Variants in SPMAP2L observed in about 807,000 individuals in gnomAD.
SPMAP2L encodes sperm microtubule associated protein 2-like.
chr4:56,563,070 AGATAAGAAGGTT>A, the SPMAP2L span, among the ~76,000 whole-genome samples: 2 of 149,696 alleles, frequency 1.3e-5, no homozygotes, highest in African/African-American at 4.9e-5. Flanking sequence ...CTGCATCTAA[AGATAAGAAGGTT>A]GTTAAGGCTT....
At chr4:56,594,087 A>G in the SPMAP2L span, 11,812 of 1,608,422 alleles carry the variant, frequency 7.3e-3, 537 homozygotes, top group African/African-American at 0.12. Context: ...GAAACAGTCA[A>G]TGAAAAAGAT....
chr4:56,536,222 C>A, the SPMAP2L span, among the ~76,000 whole-genome samples: 1 of 152,250 alleles, frequency 6.6e-6, no homozygotes, highest in Non-Finnish European at 1.5e-5. Context: ...CCCACTTGAT[C>A]TGAGCCTGTC....
the SPMAP2L span, among the ~76,000 whole-genome samples, chr4:56,544,454 T>C: frequency 2.0e-5 from 3 of 152,186 alleles, no homozygotes; most frequent in Admixed American, 1.3e-4. Context: ...AGTACTTCAC[T>C]GGAAACTATT....
At chr4:56,613,157 A>G in the SPMAP2L span, among the ~76,000 whole-genome samples, 3 of 152,270 alleles carry the variant, frequency 2.0e-5, no homozygotes, top group Admixed American at 1.3e-4. Flanking sequence ...CCTTGGTAGC[A>G]GAGACATGTT....
the SPMAP2L span, chr4:56,595,226 G>T: frequency 6.2e-7 from 1 of 1,611,860 alleles, no homozygotes; most frequent in Non-Finnish European, 8.5e-7. Context: ...GGTGCAAGAG[G>T]TTATGTGGGT....
At chr4:56,588,784 T>C in the SPMAP2L span, among the ~76,000 whole-genome samples, 1 of 152,074 alleles carries the variant, frequency 6.6e-6, no homozygotes, top group African/African-American at 2.4e-5. Flanking sequence ...TTAATCCATC[T>C]TGAGTTTATT....
At chr4:56,573,350 T>G in the SPMAP2L span, among the ~76,000 whole-genome samples, 1 of 152,166 alleles carries the variant, frequency 6.6e-6, no homozygotes, top group Non-Finnish European at 1.5e-5. Flanking sequence ...GGCATAAGTA[T>G]TATGGTCAGT....
At chr4:56,580,640 A>C in the SPMAP2L span, among the ~76,000 whole-genome samples, 1 of 151,252 alleles carries the variant, frequency 6.6e-6, no homozygotes, top group African/African-American at 2.5e-5. Context: ...GCATGAAAAA[A>C]AATAAAAAAT....
At chr4:56,537,502 T>C in the SPMAP2L span, among the ~76,000 whole-genome samples, 1 of 152,202 alleles carries the variant, frequency 6.6e-6, no homozygotes, top group African/African-American at 2.4e-5. Context: ...CTCCCCCATC[T>C]AAGAAAATAT....
At chr4:56,581,883 T>C in the SPMAP2L span, among the ~76,000 whole-genome samples, 1 of 152,212 alleles carries the variant, frequency 6.6e-6, no homozygotes, top group South Asian at 2.1e-4. Flanking sequence ...TTATGGGCAA[T>C]TGATTTTTGG....
At chr4:56,575,181 G>A in the SPMAP2L span, among the ~76,000 whole-genome samples, 7 of 151,924 alleles carry the variant, frequency 4.6e-5, no homozygotes, top group East Asian at 3.9e-4. Flanking sequence ...CCTGGGAGGC[G>A]GAGCTTGCAG....
At chr4:56,617,807 T>A in the SPMAP2L span, among the ~76,000 whole-genome samples, 4,728 of 152,250 alleles carry the variant, frequency 0.031, 135 homozygotes, top group East Asian at 0.14. Context: ...CAAAGTTTTA[T>A]TGAGTGGAAG....
At chr4:56,596,391 T>A in the SPMAP2L span, 5 of 1,140,334 alleles carry the variant, frequency 4.4e-6, no homozygotes. Flanking sequence ...CCCTTTCTGC[T>A]GGAGTGTTGA....
At chr4:56,533,954 G>A in the SPMAP2L span, among the ~76,000 whole-genome samples, 2 of 151,794 alleles carry the variant, frequency 1.3e-5, no homozygotes, top group Non-Finnish European at 2.9e-5. Flanking sequence ...TCTGTCTCAA[G>A]AACAAAAACA....
the SPMAP2L span, among the ~76,000 whole-genome samples, chr4:56,563,402 C>G: frequency 6.6e-6 from 1 of 151,744 alleles, no homozygotes; most frequent in Non-Finnish European, 1.5e-5. Context: ...CAGTGCCTGA[C>G]CTGCTATTAA....
the SPMAP2L span, chr4:56,593,141 A>G: frequency 6.4e-7 from 1 of 1,573,998 alleles, no homozygotes; most frequent in Non-Finnish European, 8.7e-7. Flanking sequence ...CACCCAGTAT[A>G]CTCCATACCA....
At chr4:56,609,331 G>A in the SPMAP2L span, among the ~76,000 whole-genome samples, 2,407 of 152,202 alleles carry the variant, frequency 0.016, 69 homozygotes, top group African/African-American at 0.054. Flanking sequence ...ATGAGTCACC[G>A]TGCCCAGCCA....
At chr4:56,553,604 C>T in the SPMAP2L span, among the ~76,000 whole-genome samples, 2 of 151,598 alleles carry the variant, frequency 1.3e-5, no homozygotes, top group African/African-American at 4.8e-5. Flanking sequence ...CACCCCTCCC[C>T]TTAGTTTTTC....
chr4:56,600,938 CT>C, the SPMAP2L span: 1 of 1,533,468 alleles, frequency 6.5e-7, no homozygotes, highest in Non-Finnish European at 8.7e-7. Context: ...CTATAGGTAC[CT>C]CCTGCTGCCA....
Sources: gnomAD v4.1 joint callset for allele counts (sites outside exome capture counted in the v4.1 genomes callset) on GRCh38, gnomAD v4.1.1 for gene constraint, MANE v1.5 for transcripts, NCBI Gene and HGNC (gene_info 2026-07-23, HGNC 2026-07-21) for gene names.